ACAP2: variants seen among roughly 807,000 people sequenced by gnomAD.
ACAP2 encodes the protein ArfGAP with coiled-coil, ankyrin repeat and PH domains 2.
In ACAP2, 39 loss-of-function variants were observed where a neutral mutation model predicts 115.8. That is an observed-to-expected ratio of 0.34 (90% CI 0.26 to 0.44). ACAP2 has a LOEUF of 0.44. ACAP2 is among the 20% of genes least tolerant of loss of function. The pLI, the probability that ACAP2 is intolerant of heterozygous loss-of-function variation, is 1.00. For missense variants in ACAP2, 662 were observed against 927.6 expected (o/e 0.71, Z 3.72); for synonymous variants, 289 against 315.8 (o/e 0.92, Z 0.90).
chr3:195,282,765 T>A (rs1726588794), intron 22 of ACAP2: 1 of 152,234 alleles, frequency 6.6e-6, no homozygotes, highest in African/African-American at 2.4e-5. Flanking sequence ...CACATTCTAT[T>A]TCCCCTCAGA....
At chr3:195,416,592 C>A (rs1713750751) in intron 1 of ACAP2, among the ~76,000 whole-genome samples, 1 of 152,020 alleles carries the variant, frequency 6.6e-6, no homozygotes, top group Non-Finnish European at 1.5e-5. Flanking sequence ...CTCACATGTG[C>A]ACAAAGATAC....
At position 195,302,176 on chromosome 3, in the gene ACAP2, T is replaced by G. The variant is rs753529361; in HGVS notation, c.1117-2A>C. 6.2e-7 allele frequency: 1 copy of G among 1,606,818 alleles called. No homozygotes were observed. The highest frequency in any genetic ancestry group is 1.1e-5 in the South Asian group (1 of 89,906). On this transcript the variant is annotated splice_acceptor_variant, in intron 13 of 22. Transcript: ENST00000326793. LOFTEE classifies it high-confidence loss of function. ...TGGAGATGATTTCTTATCCAGCTTC[T>G]AAAAGAATTAAGAATTACTTGTTTT...
At chr3:195,337,656 C>G (rs1028936710) in intron 6 of ACAP2, among the ~76,000 whole-genome samples, 1 of 152,072 alleles carries the variant, frequency 6.6e-6, no homozygotes, top group East Asian at 1.9e-4. Flanking sequence ...CCATGTTGGT[C>G]GGGCTGGTCT....
intron 6 of ACAP2, among the ~76,000 whole-genome samples, chr3:195,339,254 A>C (rs931109020): frequency 1.3e-5 from 2 of 152,112 alleles, no homozygotes; most frequent in African/African-American, 4.8e-5. Flanking sequence ...CAGAAACAAA[A>C]GACTAGTTTC....
rs567128463 is a variant in ACAP2 at position 195,334,692 on chromosome 3, G to A, written c.574-1569C>T. Among the ~76,000 whole-genome samples, 3 of 152,250 alleles carry A rather than the reference G, an allele frequency of 2.0e-5. No individual in the cohort carries two copies. In the South Asian group the frequency reaches 6.2e-4, roughly 32 times the overall value. ...CCAACAAACTAGGGGCAGCATGGGG[G>A]AAAAACTGCAATGCTCAGTGTTGGT... On this transcript the variant is annotated intron_variant, in intron 7 of 22. Coordinates refer to ENST00000326793, the MANE Select transcript of ACAP2 (RefSeq NM_012287.6).
At chr3:195,330,281 A>G (rs1001120591) in intron 8 of ACAP2, among the ~76,000 whole-genome samples, 3 of 152,178 alleles carry the variant, frequency 2.0e-5, no homozygotes, top group African/African-American at 7.2e-5. Context: ...AGATGCCATT[A>G]TCTACTAATT....
intron 15 of ACAP2, among the ~76,000 whole-genome samples, chr3:195,299,058 C>T (rs1405664941): frequency 6.6e-6 from 1 of 152,150 alleles, no homozygotes; most frequent in African/African-American, 2.4e-5. Flanking sequence ...TAGTTTTATA[C>T]AGCATATTTT....
chr3:195,299,038 T>G (rs1177470598), intron 15 of ACAP2, among the ~76,000 whole-genome samples: 1 of 152,226 alleles, frequency 6.6e-6, no homozygotes, highest in African/African-American at 2.4e-5. Flanking sequence ...CTTTGAGCAA[T>G]TATTACTTCT....
At chr3:195,415,084 A>G (rs983561830) in intron 1 of ACAP2, among the ~76,000 whole-genome samples, 5 of 152,182 alleles carry the variant, frequency 3.3e-5, no homozygotes, top group Non-Finnish European at 5.9e-5. Flanking sequence ...CTAAACATCA[A>G]GAATGAACGT....
At chr3:195,405,219 A>G (rs922911546) in intron 1 of ACAP2, among the ~76,000 whole-genome samples, 4 of 152,168 alleles carry the variant, frequency 2.6e-5, no homozygotes, top group Non-Finnish European at 5.9e-5. Flanking sequence ...TTTCTATAAA[A>G]TTAGGATTGA....
At chr3:195,358,706 C>T (rs996457585) in intron 4 of ACAP2, among the ~76,000 whole-genome samples, 1 of 151,862 alleles carries the variant, frequency 6.6e-6, no homozygotes, top group Non-Finnish European at 1.5e-5. Flanking sequence ...AATGAAGCAT[C>T]CCTGTAAGAT....
chr3:195,292,214 T>C, intron 19 of ACAP2, 51 bp downstream of exon 19: 2 of 1,499,728 alleles, frequency 1.3e-6, no homozygotes, highest in Non-Finnish European at 1.8e-6. Context: ...ATATTATGAT[T>C]TTTTTTAAAT....
chr3:195,343,564 C>T (rs146952373), intron 5 of ACAP2, among the ~76,000 whole-genome samples: 6 of 152,294 alleles, frequency 3.9e-5, no homozygotes, highest in African/African-American at 7.2e-5. Context: ...GCAGCTGGGA[C>T]GACAGGCACA....
rs940895507 is a variant in ACAP2 at position 195,294,818 on chromosome 3, T to C, written c.1673-7A>G. On this transcript the variant is annotated splice_region_variant and splice_polypyrimidine_tract_variant and intron_variant, in intron 17 of 22. Transcript: ENST00000326793. The stretch of plus-strand genomic sequence containing the variant: ...CCACTGTCATTACTTCTGACTGTTT[T>C]AAAGAAAAATTAACTAATGATTAAA... The C allele has an allele frequency of 1.3e-6, 2 of 1,558,582 alleles. No individual in the cohort carries two copies. The highest frequency in any genetic ancestry group is 1.8e-6 in the Non-Finnish European group (2 of 1,135,430).
At chr3:195,395,220 T>C (rs1711642795) in intron 1 of ACAP2, among the ~76,000 whole-genome samples, 1 of 152,138 alleles carries the variant, frequency 6.6e-6, no homozygotes, top group Non-Finnish European at 1.5e-5. Flanking sequence ...GCCAAAATTA[T>C]AGACCCCTAC....
intron 14 of ACAP2, 72 bp from the exon 15 acceptor site, chr3:195,301,716 G>A (rs962223612): frequency 2.8e-5 from 40 of 1,408,598 alleles, no homozygotes; most frequent in Non-Finnish European, 3.5e-5. Flanking sequence ...CTGTTTTAAC[G>A]TGACACAGGC....
intron 4 of ACAP2, among the ~76,000 whole-genome samples, chr3:195,372,987 C>CAAAAAAAAAAAAAAAAAAAAAAAAA (rs869134113): frequency 2.8e-4 from 5 of 17,778 alleles, no homozygotes; most frequent in African/African-American, 7.6e-4. Context: ...GACTCCATCT[C>CAAAAAAAAAAAAAAAAAAAAAAAAA]AAAAAAAAAA....
intron 1 of ACAP2, among the ~76,000 whole-genome samples, chr3:195,421,948 T>C (rs1199500124): frequency 6.6e-6 from 1 of 152,178 alleles, no homozygotes; most frequent in Non-Finnish European, 1.5e-5. Flanking sequence ...GTTATATACA[T>C]CTTGACACTA....
chr3:195,387,886 T>C (rs1017631553), intron 2 of ACAP2, among the ~76,000 whole-genome samples: 10 of 152,228 alleles, frequency 6.6e-5, no homozygotes, highest in African/African-American at 2.2e-4. Flanking sequence ...TATTATCTCA[T>C]TTTAGTTTCA....
Sources: gnomAD v4.1 joint callset for allele counts (sites outside exome capture counted in the v4.1 genomes callset) on GRCh38, gnomAD v4.1.1 for gene constraint, MANE v1.5 for transcripts, NCBI Gene and HGNC (gene_info 2026-07-23, HGNC 2026-07-21) for gene names.